Variants in ITPR1 observed in about 807,000 individuals in gnomAD.
The protein encoded by ITPR1 is inositol 1,4,5-trisphosphate receptor type 1.
A neutral mutation model predicts 318.4 loss-of-function variants in ITPR1; 96 were observed. That is an observed-to-expected ratio of 0.30 (90% CI 0.26 to 0.36). The LOEUF is 0.36. Among genes scored for constraint, ITPR1 ranks in the 10% least tolerant of loss-of-function variants. The pLI is 1.00. For missense variants in ITPR1, 2,440 were observed against 3,460.2 expected (o/e 0.71, Z 7.40); for synonymous variants, 1,312 against 1,289.9 (o/e 1.02, Z -0.37).
At chr3:4,805,688 G>A (rs1245895874) in intron 54 of ITPR1, among the ~76,000 whole-genome samples, 1 of 152,194 alleles carries the variant, frequency 6.6e-6, no homozygotes, top group Non-Finnish European at 1.5e-5. Context: ...TGCCTAGAAT[G>A]TAACAAATTC....
At chr3:4,644,391 G>A (rs751421367) in intron 8 of ITPR1, among the ~76,000 whole-genome samples, 157 bp downstream of exon 8, 12 of 152,208 alleles carry the variant, frequency 7.9e-5, no homozygotes, top group Non-Finnish European at 1.6e-4. Context: ...CAAGGCTGCC[G>A]TGTAAGGTTG....
At chr3:4,828,752 G>A (rs565904361) in intron 60 of ITPR1, among the ~76,000 whole-genome samples, 25 of 152,310 alleles carry the variant, frequency 1.6e-4, no homozygotes, top group Admixed American at 3.3e-4. Context: ...TATCATCCAA[G>A]AACAACTATG....
intron 59 of ITPR1, among the ~76,000 whole-genome samples, chr3:4,816,512 G>C (rs2049313380): frequency 6.6e-6 from 1 of 152,208 alleles, no homozygotes; most frequent in South Asian, 2.1e-4. Flanking sequence ...TCAGCCACCT[G>C]AGTAGCTAGG....
chr3:4,556,395 T>C (rs1456983503), intron 4 of ITPR1, among the ~76,000 whole-genome samples: 10 of 152,210 alleles, frequency 6.6e-5, no homozygotes, highest in Non-Finnish European at 1.5e-4. Context: ...TAATGGGATG[T>C]ATCTATAGAT....
intron 44 of ITPR1, among the ~76,000 whole-genome samples, chr3:4,764,526 G>A (rs1250162040): frequency 6.6e-6 from 1 of 152,198 alleles, no homozygotes; most frequent in Non-Finnish European, 1.5e-5. Context: ...GGAGGTGAAC[G>A]GTCAGTGCAA....
At chr3:4,555,209 A>G (rs2086004395) in intron 4 of ITPR1, among the ~76,000 whole-genome samples, 1 of 152,212 alleles carries the variant, frequency 6.6e-6, no homozygotes, top group African/African-American at 2.4e-5. Context: ...TACTGAATCC[A>G]GTCATCCCTG....
At chr3:4,700,055 C>G in intron 35 of ITPR1, 114 bp downstream of exon 35, 1 of 876,500 alleles carries the variant, frequency 1.1e-6, no homozygotes, top group Non-Finnish European at 1.8e-6. Flanking sequence ...GGCATTAATA[C>G]AAGATATATT....
At chr3:4,756,111 T>C (rs1274530196) in intron 44 of ITPR1, among the ~76,000 whole-genome samples, 1 of 152,212 alleles carries the variant, frequency 6.6e-6, no homozygotes. Context: ...TAGGCCCTTT[T>C]CATAGGTCAG....
At chr3:4,833,362 G>A (rs73008913) in intron 60 of ITPR1, among the ~76,000 whole-genome samples, 4,467 of 152,266 alleles carry the variant, frequency 0.029, 97 homozygotes, top group Non-Finnish European at 0.044. Flanking sequence ...GGAGTCTTTC[G>A]AAGGCCTCAT....
At chr3:4,681,531 G>T (rs2094297772) in intron 26 of ITPR1, 113 bp downstream of exon 26, 1 of 763,624 alleles carries the variant, frequency 1.3e-6, no homozygotes. Context: ...AGGTTGTTTT[G>T]GTGCTATCTT....
intron 46 of ITPR1, 22 bp downstream of exon 46, chr3:4,768,786 C>G (rs375204963): frequency 6.3e-7 from 1 of 1,593,802 alleles, no homozygotes; most frequent in South Asian, 1.1e-5. Flanking sequence ...GGGGTGGGGG[C>G]GTGGAGGGAG....
chr3:4,765,659 C>T (rs1470312950), intron 44 of ITPR1, among the ~76,000 whole-genome samples: 1 of 151,588 alleles, frequency 6.6e-6, no homozygotes, highest in Non-Finnish European at 1.5e-5. Flanking sequence ...TTGTTGGGAG[C>T]TTTGTTTTTT....
At chr3:4,749,635 T>G (rs1421884712) in intron 44 of ITPR1, 1 of 152,226 alleles carries the variant, frequency 6.6e-6, no homozygotes, top group Non-Finnish European at 1.5e-5. Context: ...CCACACATTC[T>G]AAGACTCAGC....
chr3:4,844,788 A>C, intron 61 of ITPR1, among the ~76,000 whole-genome samples: 1 of 152,240 alleles, frequency 6.6e-6, no homozygotes, highest in Admixed American at 6.5e-5. Flanking sequence ...GGAAATACTA[A>C]GTCCTTGTAA....
chr3:4,505,659 C>T (rs2081346115), intron 2 of ITPR1, among the ~76,000 whole-genome samples: 1 of 152,146 alleles, frequency 6.6e-6, no homozygotes, highest in Admixed American at 6.5e-5. Flanking sequence ...CATTTTTTAG[C>T]AGAAGAATGA....
At chr3:4,611,211 A>G (rs1362558925) in intron 4 of ITPR1, among the ~76,000 whole-genome samples, 2 of 141,572 alleles carry the variant, frequency 1.4e-5, no homozygotes, top group Non-Finnish European at 3.0e-5. Context: ...CCTGGGCAAC[A>G]TGTCAAAACC....
chr3:4,767,582 G>A (rs750534323), intron 45 of ITPR1, among the ~76,000 whole-genome samples: 2 of 152,234 alleles, frequency 1.3e-5, no homozygotes, highest in African/African-American at 4.8e-5. Flanking sequence ...GCAGTGGCAC[G>A]ATCATTGCTC....
Position 4,663,080 on chromosome 3 carries a change from G to A in ITPR1, c.1428G>A (p.Leu476=). 2 of 1,613,694 alleles carry A rather than the reference G, an allele frequency of 1.2e-6. No individual in the cohort carries two copies. The highest frequency in any genetic ancestry group is 1.7e-6 in the Non-Finnish European group (2 of 1,179,684). ...TQNERRSVTK[L]LEDLVYFVTG... is the part of the protein sequence containing the mutation. Reference sequence around the variant, plus strand: ...TCCTCCTAAGGTCTGTAACCAAGCTGCTAGAAGATTTGGTTTACTTCGTCA... The same window carrying A: ...TCCTCCTAAGGTCTGTAACCAAGCTACTAGAAGATTTGGTTTACTTCGTCA... The change falls in exon 16 of 62, where the codon CTG becomes CTA. Residue 476 remains leucine, a synonymous_variant. Transcript: ENST00000649015.
At chr3:4,741,531 T>C (rs1440528365) in intron 44 of ITPR1, among the ~76,000 whole-genome samples, 1 of 136,280 alleles carries the variant, frequency 7.3e-6, no homozygotes, top group Non-Finnish European at 1.6e-5. Context: ...TCATGAGGCC[T>C]TTCCTACACC....
Sources: gnomAD v4.1 joint callset for allele counts (sites outside exome capture counted in the v4.1 genomes callset) on GRCh38, gnomAD v4.1.1 for gene constraint, MANE v1.5 for transcripts, NCBI Gene and HGNC (gene_info 2026-07-23, HGNC 2026-07-21) for gene names.